TMEM135: variants seen among roughly 807,000 people sequenced by gnomAD.
The protein encoded by TMEM135 is transmembrane protein 135.
Under a neutral mutation model 60.3 loss-of-function variants are expected in TMEM135, and 30 were observed. The observed-to-expected ratio is 0.50, with a 90% CI of 0.37 to 0.68. TMEM135 has a LOEUF of 0.68. Among genes scored for constraint, TMEM135 ranks in the 30% least tolerant of loss-of-function variants. The pLI is 0.00. For missense variants in TMEM135, 468 were observed against 548.8 expected (o/e 0.85, Z 1.47); for synonymous variants, 190 against 186.7 (o/e 1.02, Z -0.14).
At chr11:87,054,120 C>G (rs1003262740) in intron 1 of TMEM135, among the ~76,000 whole-genome samples, 1 of 152,194 alleles carries the variant, frequency 6.6e-6, no homozygotes, top group African/African-American at 2.4e-5. Context: ...TTTTAACTAA[C>G]TTGGCTCATA....
intron 6 of TMEM135, among the ~76,000 whole-genome samples, chr11:87,260,731 G>GTTT (rs11436074): frequency 2.0e-5 from 3 of 150,042 alleles, no homozygotes; most frequent in African/African-American, 7.3e-5. Context: ...AAAAAGAAAG[G>GTTT]TTTTTTTTTT....
At chr11:87,290,716 A>G (rs912588153) in intron 6 of TMEM135, among the ~76,000 whole-genome samples, 1 of 152,094 alleles carries the variant, frequency 6.6e-6, no homozygotes, top group African/African-American at 2.4e-5. Context: ...TTATTTGTGT[A>G]TTTACTAAGT....
chr11:87,104,470 A>G (rs1266114659), intron 4 of TMEM135, among the ~76,000 whole-genome samples: 1 of 152,148 alleles, frequency 6.6e-6, no homozygotes, highest in African/African-American at 2.4e-5. Flanking sequence ...TTTCTGTGAA[A>G]AATTACATTG....
At chr11:87,184,631 C>T (rs1939605079) in intron 5 of TMEM135, among the ~76,000 whole-genome samples, 1 of 151,996 alleles carries the variant, frequency 6.6e-6, no homozygotes, top group Admixed American at 6.6e-5. Flanking sequence ...AAGATGCCCC[C>T]CTCTTTTTTT....
intron 5 of TMEM135, among the ~76,000 whole-genome samples, chr11:87,187,602 A>G (rs1939683949): frequency 6.6e-6 from 1 of 152,322 alleles, no homozygotes; most frequent in Non-Finnish European, 1.5e-5. Flanking sequence ...GAGCTGAAAC[A>G]TGCTGTGCGT....
chr11:87,219,070 T>G (rs1013532679), intron 5 of TMEM135, among the ~76,000 whole-genome samples: 7 of 151,640 alleles, frequency 4.6e-5, no homozygotes, highest in Non-Finnish European at 1.0e-4. Context: ...TCAAAATTAT[T>G]TAAATAAAAT....
intron 5 of TMEM135, among the ~76,000 whole-genome samples, chr11:87,174,290 T>A (rs187926064): frequency 3.6e-4 from 55 of 152,270 alleles, no homozygotes; most frequent in Admixed American, 2.3e-3. Context: ...CTTACACATG[T>A]CTATTGCCAT....
At chr11:87,257,286 A>G (rs1044034223) in intron 6 of TMEM135, among the ~76,000 whole-genome samples, 2 of 152,186 alleles carry the variant, frequency 1.3e-5, no homozygotes, top group Non-Finnish European at 2.9e-5. Flanking sequence ...GTGAGGTGCT[A>G]TAACTCATTG....
intron 5 of TMEM135, among the ~76,000 whole-genome samples, chr11:87,181,824 TG>T: frequency 6.6e-6 from 1 of 152,270 alleles, no homozygotes; most frequent in Admixed American, 6.5e-5. Flanking sequence ...TGATTTCACC[TG>T]GCATATTGAA....
intron 5 of TMEM135, among the ~76,000 whole-genome samples, chr11:87,204,534 C>T (rs1191697707): frequency 6.6e-6 from 1 of 152,112 alleles, no homozygotes; most frequent in Non-Finnish European, 1.5e-5. Context: ...AGAAGCCTTA[C>T]TGTAGCATAA....
intron 1 of TMEM135, among the ~76,000 whole-genome samples, chr11:87,066,195 C>A (rs1337691119): frequency 6.6e-6 from 1 of 152,146 alleles, no homozygotes; most frequent in Non-Finnish European, 1.5e-5. Context: ...GTTAGTTTTT[C>A]TCTTTCTTAC....
chr11:87,231,860 C>A (rs975199939), intron 5 of TMEM135, among the ~76,000 whole-genome samples: 1 of 151,600 alleles, frequency 6.6e-6, no homozygotes, highest in South Asian at 2.1e-4. Flanking sequence ...TGGATTGTAT[C>A]AATGGCAGAT....
chr11:87,201,659 T>G (rs1263703457), intron 5 of TMEM135, among the ~76,000 whole-genome samples: 1 of 152,220 alleles, frequency 6.6e-6, no homozygotes, highest in African/African-American at 2.4e-5. Context: ...TAAAAGCCCC[T>G]GCTTTGTGAA....
At chr11:87,236,591 T>C in intron 5 of TMEM135, 47 bp from the exon 6 acceptor site, 1 of 1,553,588 alleles carries the variant, frequency 6.4e-7, no homozygotes, top group Non-Finnish European at 8.9e-7. Flanking sequence ...ACTCAAATGG[T>C]GATGTCAGTG....
At chr11:87,262,147 T>C (rs1312952975) in intron 6 of TMEM135, among the ~76,000 whole-genome samples, 1 of 152,246 alleles carries the variant, frequency 6.6e-6, no homozygotes, top group African/African-American at 2.4e-5. Context: ...CAGGTTTTCG[T>C]TGTTGCAAAC....
intron 13 of TMEM135, 70 bp downstream of exon 13, chr11:87,318,305 A>G: frequency 9.4e-7 from 1 of 1,068,040 alleles, no homozygotes; most frequent in African/African-American, 1.5e-5. Context: ...CAAATGGGAG[A>G]GAAACAAACT....
chr11:87,208,912 C>T (rs145831805), intron 5 of TMEM135, among the ~76,000 whole-genome samples: 48 of 152,248 alleles, frequency 3.2e-4, no homozygotes, highest in African/African-American at 1.0e-3. Flanking sequence ...GGCTTATTTT[C>T]AATATCCTTA....
rs990718029 is a variant in TMEM135 at position 87,043,948 on chromosome 11, G to T, written c.141+5762G>T. Among the ~76,000 whole-genome samples the T allele has an allele frequency of 1.1e-4, 16 of 151,956 alleles. 1 individual carries two copies. The highest frequency in any genetic ancestry group is 3.4e-4 in the African/African-American group (14 of 41,318). On this transcript the variant is annotated intron_variant, in intron 1 of 14. Transcript: ENST00000305494. ...CACTAAGACCTTTCTTTTCCTAGTT[G>T]GTTTTCTTTAGGACCTCTAGATTAA...
intron 5 of TMEM135, among the ~76,000 whole-genome samples, chr11:87,228,830 C>A (rs1940824363): frequency 6.6e-6 from 1 of 152,132 alleles, no homozygotes; most frequent in South Asian, 2.1e-4. Context: ...CTTTAACAGG[C>A]TGTGTTTACC....
Sources: allele counts gnomAD v4.1 joint callset (sites outside exome capture counted in the v4.1 genomes callset), GRCh38; gene constraint gnomAD v4.1.1; transcripts MANE v1.5; gene names NCBI Gene and HGNC (gene_info 2026-07-23, HGNC 2026-07-21).